TKTL1: variants seen among roughly 807,000 people sequenced by gnomAD.
TKTL1 encodes the protein transketolase like 1, also known as transketolase-like protein 1.
In TKTL1, 1 loss-of-function variant was observed where a neutral mutation model predicts 39.3. The observed-to-expected ratio is 0.03, with a 90% CI of 0.01 to 0.12. The LOEUF (loss-of-function observed/expected upper bound fraction) is 0.12. TKTL1 is among the 10% of genes least tolerant of loss of function. The probability of loss-of-function intolerance (pLI) is 1.00; values close to 1 mark genes in which losing one functional copy is unlikely to be tolerated. For synonymous variants in TKTL1, 262 were observed against 193.8 expected (o/e 1.35, Z -2.92); for missense variants, 575 against 509.6 (o/e 1.13, Z -1.24).
chrX:154,311,668 C>T (rs1255268737), intron 5 of TKTL1, among the ~76,000 whole-genome samples: 3 of 111,883 alleles, frequency 2.7e-5, no homozygotes, highest in Non-Finnish European at 5.7e-5. Flanking sequence ...CCAACTATCA[C>T]ATTTCAAGGC....
chrX:154,303,080 A>T (rs1313996603), intron 1 of TKTL1, among the ~76,000 whole-genome samples: 2 of 111,492 alleles, frequency 1.8e-5, no homozygotes, highest in African/African-American at 3.3e-5. Flanking sequence ...CCATTGCATT[A>T]GCGCACAAAA....
Position 154,295,919 on chromosome X carries a change from C to T in TKTL1, c.60C>T (p.Thr20=), listed in dbSNP as rs143398552. 209 of 1,210,372 alleles carry T rather than the reference C, an allele frequency of 1.7e-4. No homozygotes were observed. Among genetic ancestry groups the T allele is most frequent in the South Asian group, 2.8e-4 (16 of 56,869 alleles). The change falls in exon 1 of 13, where the codon ACC becomes ACT. Residue 20 remains threonine, a synonymous_variant. Transcript: ENST00000369915. ...FPEEARPDRG[T]LQVLQDMASR... ...AGGAGGCCAGACCTGACAGGGGCAC[C>T]TTGCAGGTGTTGCAAGATATGGCCA...
chrX:154,319,362 A>C (rs1441509697), intron 7 of TKTL1, among the ~76,000 whole-genome samples: 1 of 112,165 alleles, frequency 8.9e-6, no homozygotes, highest in African/African-American at 3.2e-5. Flanking sequence ...GAGGTTCTGC[A>C]CTCCAGGATG....
intron 1 of TKTL1, among the ~76,000 whole-genome samples, chrX:154,303,057 C>T (rs782466543): frequency 4.5e-5 from 5 of 111,111 alleles, no homozygotes; most frequent in Middle Eastern, 4.2e-3. Context: ...GCTTAGGAAA[C>T]GAATGCGTTA....
chrX:154,301,064 T>C (rs963382025), intron 1 of TKTL1, among the ~76,000 whole-genome samples: 14 of 111,122 alleles, frequency 1.3e-4, no homozygotes, highest in Non-Finnish European at 2.1e-4. Context: ...CTTCTCCAAT[T>C]TGGATGCCCT....
intron 7 of TKTL1, among the ~76,000 whole-genome samples, chrX:154,319,795 TA>T (rs1420828627): frequency 2.7e-5 from 3 of 109,922 alleles, no homozygotes; most frequent in Non-Finnish European, 5.7e-5. Context: ...CAGATGAATG[TA>T]GACAGAGTTG....
intron 2 of TKTL1, among the ~76,000 whole-genome samples, chrX:154,308,466 C>T (rs1557167648): frequency 8.9e-6 from 1 of 111,812 alleles, no homozygotes; most frequent in African/African-American, 3.2e-5. Context: ...GTCGGAAGAC[C>T]TTAGAAAGTT....
At chrX:154,299,149 C>CTTTTTTTTTTTTTTTTTTT (rs1180562974) in intron 1 of TKTL1, among the ~76,000 whole-genome samples, 1 of 35,927 alleles carries the variant, frequency 2.8e-5, no homozygotes, top group Admixed American at 4.0e-4. Context: ...CTTTTTCTTT[C>CTTTTTTTTTTTTTTTTTTT]TTTTTTTTTT....
Position 154,295,979 on chromosome X carries a change from C to T in TKTL1, c.120C>T (p.Cys40=), listed in dbSNP as rs1557164312. The T allele has an allele frequency of 8.3e-7, 1 of 1,211,233 alleles. No homozygotes were observed. Among genetic ancestry groups the T allele is most frequent in the Non-Finnish European group, 1.1e-6 (1 of 895,113 alleles). The change falls in exon 1 of 13, where the codon TGC becomes TGT. Residue 40 remains cysteine, a synonymous_variant. Coordinates refer to ENST00000369915, the MANE Select transcript of TKTL1 (RefSeq NM_012253.4). Reference sequence around the variant, plus strand: ...GAATCCATTCCATCAGGGCCACATGCTCCACGAGCTCCGGGTAAGTTCTCC... The same window carrying T: ...GAATCCATTCCATCAGGGCCACATGTTCCACGAGCTCCGGGTAAGTTCTCC... ...RLRIHSIRAT[C]STSSGHPTSC...
At position 154,329,847 on chromosome X, in the gene TKTL1, C is replaced by T. The variant is rs1048256308; in HGVS notation, c.*159C>T. 5 of 548,571 alleles carry T rather than the reference C, an allele frequency of 9.1e-6. No homozygotes were observed. Among genetic ancestry groups the T allele is most frequent in the South Asian group, 3.6e-5 (1 of 27,578 alleles). 45.2% of individuals were successfully genotyped at this position (548,571 alleles called of 1,213,427 possible). On this transcript the variant is annotated 3_prime_UTR_variant, in exon 13 of 13. Transcript: ENST00000369915. ...TTCGGAAATTCAAGCTAACTACTTACCCTTTAAACTGTCACTGCATATGCA... is the reference window on the plus strand; with the variant it reads ...TTCGGAAATTCAAGCTAACTACTTATCCTTTAAACTGTCACTGCATATGCA...
intron 5 of TKTL1, among the ~76,000 whole-genome samples, chrX:154,311,957 T>A (rs1369696764): frequency 9.1e-6 from 1 of 110,476 alleles, no homozygotes; most frequent in African/African-American, 3.3e-5. Context: ...TCCCCATCTC[T>A]ACTACCATGA....
At position 154,325,421 on chromosome X, in the gene TKTL1, A is replaced by G; in HGVS notation, c.1400A>G (p.Lys467Arg). 8.3e-7 allele frequency: 1 copy of G among 1,205,670 alleles called. No homozygotes were observed. The highest frequency in any genetic ancestry group is 1.1e-6 in the Non-Finnish European group (1 of 889,685). Reference protein sequence around the residue: ...PQERFEIGQAKVLRHCVSDKV... With the variant: ...PQERFEIGQARVLRHCVSDKV... ...GAACGCTTTGAGATCGGACAGGCCAAGGTAAGGGCTTACGCGCTCCTGCGT... is the reference window on the plus strand; with the variant it reads ...GAACGCTTTGAGATCGGACAGGCCAGGGTAAGGGCTTACGCGCTCCTGCGT... The change falls in exon 10 of 13, where the codon AAG becomes AGG. Residue 467 changes from lysine (K) to arginine (R), a missense_variant and splice_region_variant. Coordinates refer to ENST00000369915, the MANE Select transcript of TKTL1 (RefSeq NM_012253.4).
At chrX:154,302,950 C>G (rs1353468310) in intron 1 of TKTL1, among the ~76,000 whole-genome samples, 34 of 110,797 alleles carry the variant, frequency 3.1e-4, no homozygotes, top group African/African-American at 1.0e-3. Context: ...GAGGGCGATC[C>G]TCCCCTAGGA....
intron 3 of TKTL1, 72 bp downstream of exon 3, chrX:154,309,514 C>A: frequency 1.1e-6 from 1 of 900,823 alleles, no homozygotes; most frequent in Non-Finnish European, 1.6e-6. Context: ...CGGGGGGCAG[C>A]CACCTATCTC....
At chrX:154,317,152 C>G (rs1342886625) in intron 7 of TKTL1, among the ~76,000 whole-genome samples, 1 of 111,880 alleles carries the variant, frequency 8.9e-6, no homozygotes, top group Non-Finnish European at 1.9e-5. Flanking sequence ...ATTTTGCTCC[C>G]CACCTCACTG....
At chrX:154,296,447 A>G (rs1557164537) in intron 1 of TKTL1, among the ~76,000 whole-genome samples, 8 of 111,060 alleles carry the variant, frequency 7.2e-5, no homozygotes, top group Non-Finnish European at 1.5e-4. Flanking sequence ...GGATGTGAGG[A>G]TAAAAAGCAA....
chrX:154,315,383 C>T, intron 7 of TKTL1, 46 bp downstream of exon 7: 1 of 1,117,908 alleles, frequency 8.9e-7, no homozygotes, highest in Non-Finnish European at 1.2e-6. Context: ...CAATGGCCCA[C>T]TGGACACAGG....
Position 154,295,937 on chromosome X carries a change from T to C in TKTL1, c.78T>C (p.Asp26=). The change falls in exon 1 of 13, where the codon GAT becomes GAC. Residue 26 remains aspartate (D), a synonymous_variant. Coordinates refer to ENST00000369915, the MANE Select transcript of TKTL1 (RefSeq NM_012253.4). ...PDRGTLQVLQ[D]MASRLRIHSI... ...GGGGCACCTTGCAGGTGTTGCAAGA[T>C]ATGGCCAGCCGCTTGCGAATCCATT... 8.3e-7 allele frequency: 1 copy of C among 1,211,608 alleles called. No homozygotes were observed. Among genetic ancestry groups the C allele is most frequent in the Non-Finnish European group, 1.1e-6 (1 of 895,382 alleles).
At chrX:154,314,671 C>T (rs1173750699) in intron 6 of TKTL1, among the ~76,000 whole-genome samples, 6 of 110,753 alleles carry the variant, frequency 5.4e-5, no homozygotes, top group African/African-American at 1.6e-4. Flanking sequence ...ATTACAGGCT[C>T]CCGCCATCAT....
Sources: allele counts gnomAD v4.1 joint callset (sites outside exome capture counted in the v4.1 genomes callset), GRCh38; gene constraint gnomAD v4.1.1; transcripts MANE v1.5; gene names NCBI Gene and HGNC (gene_info 2026-07-23, HGNC 2026-07-21).